The following UNC50 variants were observed in gnomAD, a reference collection of about 807,000 sequenced individuals.
UNC50 encodes the protein protein unc-50 homolog.
In UNC50, 24 loss-of-function variants were observed where a neutral mutation model predicts 31.5. The observed-to-expected ratio is 0.76, with a 90% CI of 0.55 to 1.07. UNC50 has a LOEUF of 1.07. UNC50 is among the 50% of genes least tolerant of loss of function. The pLI, the probability that UNC50 is intolerant of heterozygous loss-of-function variation, is 0.00. For missense variants in UNC50, 245 were observed against 304.2 expected, an observed-to-expected ratio of 0.81 and a Z score of 1.45; for synonymous variants, 118 against 114.7, an observed-to-expected ratio of 1.03 and a Z score of -0.18.
chr2:98,612,339 T>C (rs1196811388), intron 3 of UNC50, among the ~76,000 whole-genome samples: 1 of 152,186 alleles, frequency 6.6e-6, no homozygotes, highest in Non-Finnish European at 1.5e-5. Context: ...CCTGACACAG[T>C]TAAGTGTTCA....
chr2:98,611,618 A>C lies in UNC50; in HGVS notation c.401+723A>C, dbSNP rs1470878945. On this transcript the variant is annotated intron_variant, in intron 3 of 5. Coordinates refer to ENST00000357765, the MANE Select transcript of UNC50 (RefSeq NM_014044.7). ...AATAGGAGGCAAGTTTGCCTGACACAGTTACCAGCTTGACTTTTCCCTTTG... is the reference window on the plus strand; with the variant it reads ...AATAGGAGGCAAGTTTGCCTGACACCGTTACCAGCTTGACTTTTCCCTTTG... Among the ~76,000 whole-genome samples, 16 of 152,218 alleles carry C rather than the reference A, an allele frequency of 1.1e-4. 1 individual carries two copies. The highest frequency in any genetic ancestry group is 1.0e-3 in the Admixed American group (16 of 15,286).
At position 98,618,310 on chromosome 2, in the gene UNC50, G is replaced by GAGA. The variant is rs756182359; in HGVS notation, c.*13_*15dup. ...ATAAGTACAGAGTGAAATAAAAAGT[G>GAGA]AGAAGAAGATTCAATCGTAACTGTG... On this transcript the variant is annotated 3_prime_UTR_variant, in exon 6 of 6. Coordinates refer to ENST00000357765, the MANE Select transcript of UNC50 (RefSeq NM_014044.7). 20 of 1,587,380 alleles carry GAGA rather than the reference G, an allele frequency of 1.3e-5. No individual in the cohort carries two copies. Among genetic ancestry groups the GAGA allele is most frequent in the East Asian group, 2.2e-5 (1 of 44,658 alleles).
At chr2:98,618,123 A>ATTTTT in intron 5 of UNC50, 45 bp from the exon 6 acceptor site, 1 of 1,233,960 alleles carries the variant, frequency 8.1e-7, no homozygotes, top group African/African-American at 1.6e-5. Flanking sequence ...TTAGTCATTT[A>ATTTTT]TTTTTTTTTT....
chr2:98,615,881 T>TGG (rs1222180702), intron 3 of UNC50, among the ~76,000 whole-genome samples: 1 of 152,234 alleles, frequency 6.6e-6, no homozygotes, highest in Non-Finnish European at 1.5e-5. Flanking sequence ...TTTCAGACAC[T>TGG]GGTCTTTTCA....
In UNC50 at chr2:98,616,118, G is replaced by C. The variant is rs751651981; in HGVS notation, c.402-89G>C. 7.7e-5 allele frequency: 106 copies of C among 1,369,968 alleles called. 1 individual carries two copies. Among genetic ancestry groups the C allele is most frequent in the Non-Finnish European group, 5.6e-5 (56 of 1,008,828 alleles). 84.9% of individuals were successfully genotyped at this position (1,369,968 alleles called of 1,614,324 possible). On this transcript the variant is annotated intron_variant, in intron 3 of 5. Coordinates refer to ENST00000357765, the MANE Select transcript of UNC50 (RefSeq NM_014044.7). ...TGTTTTGTTTACTGGTATATCTCCA[G>C]AATTTAGAATGTCTGCCGCATAGAA...
rs773050375 is a variant in UNC50 at position 98,613,654 on chromosome 2, G to A, written c.402-2553G>A. Among the ~76,000 whole-genome samples the A allele has an allele frequency of 1.1e-4, 17 of 152,352 alleles. 1 individual carries two copies. The highest frequency in any genetic ancestry group is 1.9e-4 in the East Asian group (1 of 5,190). On this transcript the variant is annotated intron_variant, in intron 3 of 5. Transcript: ENST00000357765. Reference sequence around the variant, plus strand: ...ACCCTTGACACGTGGGGATTCTGGGGATTGCTGTTCAAGATGAGATTTTGG... The same window carrying A: ...ACCCTTGACACGTGGGGATTCTGGGAATTGCTGTTCAAGATGAGATTTTGG...
rs774915512 is a variant in UNC50, at chr2:98,616,511, T to C, written c.621T>C (p.Tyr207=). 3.7e-6 allele frequency: 6 copies of C among 1,613,698 alleles called. No homozygotes were observed. The African/African-American group carries it at 4.0e-5, about 11-fold the overall frequency. ...TGGTTGCAGTTGGCTATTATATCTA[T>C]GTAACTTTCCTGGGATACAGTGGTA... is the stretch of plus-strand genomic sequence containing the variant. ...LWLVAVGYYI[Y]VTFLGYSALP... is the part of the protein sequence containing the mutation. Residue 207 remains tyrosine, a synonymous_variant, in exon 5 of 6, where the codon TAT becomes TAC. Coordinates refer to ENST00000357765, the MANE Select transcript of UNC50 (RefSeq NM_014044.7).
Position 98,608,609 on chromosome 2 carries a change from C to G in UNC50, c.-122C>G. 1.7e-6 allele frequency: 1 copy of G among 600,902 alleles called. No homozygotes were observed. The highest frequency in any genetic ancestry group is 3.0e-6 in the Non-Finnish European group (1 of 338,888). The allele number at this position is 600,902 out of a possible 1,614,324, so 37.2% of individuals were successfully genotyped here. On this transcript the variant is annotated 5_prime_UTR_variant, in exon 1 of 6. Coordinates refer to ENST00000357765, the MANE Select transcript of UNC50 (RefSeq NM_014044.7). ...AAGTCGGTTCCCGTGACGCGGCGCGCCCCAAGGGCCGGCTCCGTTGAGGGA... is the reference window on the plus strand; with the variant it reads ...AAGTCGGTTCCCGTGACGCGGCGCGGCCCAAGGGCCGGCTCCGTTGAGGGA...
In UNC50 at chr2:98,618,126, T is replaced by A. The variant is rs377242331; in HGVS notation, c.644-42T>A. On this transcript the variant is annotated intron_variant, in intron 5 of 5. Transcript: ENST00000357765. ...AATGTTCATTTATTAGTCATTTATT[T>A]TTTTTTTTTTTTAAATCAGTTTGGA... is the stretch of plus-strand genomic sequence containing the variant. 4.7e-3 allele frequency: 6,912 copies of A among 1,461,734 alleles called. 26 individuals carry two copies. The highest frequency in any genetic ancestry group is 0.025 in the Middle Eastern group (141 of 5,572). The allele number at this position is 1,461,734 out of a possible 1,614,324, so 90.5% of individuals were successfully genotyped here. A position where few individuals can be genotyped will look rare whatever the true frequency, so the allele number is the denominator to read the frequency against.
chr2:98,616,340 A>T lies in UNC50; in HGVS notation c.535A>T (p.Ile179Phe). Residue 179 changes from isoleucine to phenylalanine, a missense_variant, in exon 4 of 6, where the codon ATC becomes TTC. Transcript: ENST00000357765. ...VILHFIQLFF[I>F]NHVILTDTFI... ...TTTGCATTTTATCCAGCTTTTTTTC[A>T]TCAACCGTAAGTAGCAGTTAATTAG... 1 of 1,613,864 alleles carries T rather than the reference A, an allele frequency of 6.2e-7. No homozygotes were observed. The highest frequency in any genetic ancestry group is 8.5e-7 in the Non-Finnish European group (1 of 1,179,960).
intron 3 of UNC50, among the ~76,000 whole-genome samples, chr2:98,615,814 G>A (rs1158470617): frequency 6.6e-6 from 1 of 152,194 alleles, no homozygotes; most frequent in Admixed American, 6.5e-5. Flanking sequence ...GAGCCTGTGT[G>A]ACTTGATGTT....
rs1026856129 is a variant in UNC50 at position 98,609,317 on chromosome 2, G to A, written c.-4-439G>A. On this transcript the variant is annotated intron_variant, in intron 1 of 5. Transcript: ENST00000357765. ...TGGCAGTGCGCTGATGGATCTGTGT[G>A]AATAGGCCATTTATTTGACCTCTTC... is the stretch of plus-strand genomic sequence containing the variant. 4 of 197,714 alleles carry A rather than the reference G, an allele frequency of 2.0e-5. No individual in the cohort carries two copies. In the Admixed American group the frequency reaches 2.1e-4, roughly 11 times the overall value. 12.2% of individuals were successfully genotyped at this position (197,714 alleles called of 1,614,324 possible). A position where few individuals can be genotyped will look rare whatever the true frequency, so the allele number is the denominator to read the frequency against.
At position 98,616,390 on chromosome 2, in the gene UNC50, T is replaced by C. The variant is rs771672259; in HGVS notation, c.542-42T>C. On this transcript the variant is annotated intron_variant, in intron 4 of 5. Transcript: ENST00000357765. Reference sequence around the variant, plus strand: ...GAGTATTATCCAAGTCTTCATTGCATGCATTGGTAAAGGGACTCATGGTCT... The same window carrying C: ...GAGTATTATCCAAGTCTTCATTGCACGCATTGGTAAAGGGACTCATGGTCT... The C allele has an allele frequency of 5.6e-6, 9 of 1,613,740 alleles. No homozygotes were observed. The Admixed American group carries it at 1.3e-4, about 24-fold the overall frequency.
intron 2 of UNC50, among the ~76,000 whole-genome samples, chr2:98,610,360 C>G (rs1700805500): frequency 6.6e-6 from 1 of 152,178 alleles, no homozygotes; most frequent in African/African-American, 2.4e-5. Flanking sequence ...ATTTCACAGG[C>G]AAATCCACAG....
At chr2:98,612,410 C>CTT (rs768688492) in intron 3 of UNC50, among the ~76,000 whole-genome samples, 2 of 145,286 alleles carry the variant, frequency 1.4e-5, no homozygotes, top group Non-Finnish European at 1.5e-5. Context: ...TGATACCAGC[C>CTT]TTTTTTTTTT....
In UNC50 at chr2:98,618,341, A is replaced by G. The variant is rs1348558661; in HGVS notation, c.*37A>G. The G allele has an allele frequency of 1.9e-6, 3 of 1,540,722 alleles. No individual in the cohort carries two copies. The highest frequency in any genetic ancestry group is 2.6e-6 in the Non-Finnish European group (3 of 1,145,524). On this transcript the variant is annotated 3_prime_UTR_variant, in exon 6 of 6. Transcript: ENST00000357765. ...AAGATTCAATCGTAACTGTGTCAAC[A>G]GTATTGTGAAGTGATCATTTCTTGT...
intron 3 of UNC50, among the ~76,000 whole-genome samples, chr2:98,612,104 G>A (rs1287205367): frequency 1.3e-5 from 2 of 152,022 alleles, no homozygotes; most frequent in Non-Finnish European, 2.9e-5. Context: ...TGTGTGGTTG[G>A]CATGCTGGAT....
rs1196730011 is a variant in UNC50 at position 98,609,801 on chromosome 2, C to A, written c.42C>A (p.Asn14Lys). 1 of 1,614,032 alleles carries A rather than the reference C, an allele frequency of 6.2e-7. No individual in the cohort carries two copies. Among genetic ancestry groups the A allele is most frequent in the African/African-American group, 1.3e-5 (1 of 74,910 alleles). Residue 14 changes from asparagine (N) to lysine (K), a missense_variant, in exon 2 of 6, where the codon AAC (asparagine) becomes AAA (lysine). Asn to Lys is a moderately conservative substitution (Grantham distance 94). Transcript: ENST00000357765. ...CAGTGAATTCCTTAGTGCAGGGGAA[C>A]GGAGTCTTGAATTCCAGGGATGCGG... Reference protein sequence around the residue: ...STSVNSLVQGNGVLNSRDAAR... With the variant: ...STSVNSLVQGKGVLNSRDAAR...
Position 98,618,209 on chromosome 2 carries a change from T to C in UNC50, c.685T>C (p.Phe229Leu), listed in dbSNP as rs1475624039. The C allele has an allele frequency of 6.2e-7, 1 of 1,611,590 alleles. No homozygotes were observed. Among genetic ancestry groups the C allele is most frequent in the South Asian group, 1.1e-5 (1 of 90,568 alleles). Reference protein sequence around the residue: ...LKNTVILLYPFAPLILLYGLS... With the variant: ...LKNTVILLYPLAPLILLYGLS... The stretch of plus-strand genomic sequence containing the variant: ...AAATACAGTAATTCTTCTGTATCCA[T>C]TTGCACCTCTGATTCTGCTCTACGG... Residue 229 changes from phenylalanine to leucine, a missense_variant, in exon 6 of 6, where the codon TTT becomes CTT. Physicochemically the swap from Phe to Leu is conservative, Grantham distance 22 (BLOSUM62 0). Transcript: ENST00000357765.
Sources: gnomAD v4.1 joint callset for allele counts (sites outside exome capture counted in the v4.1 genomes callset) on GRCh38, gnomAD v4.1.1 for gene constraint, MANE v1.5 for transcripts, NCBI Gene and HGNC (gene_info 2026-07-23, HGNC 2026-07-21) for gene names.